PKM: variants seen among roughly 807,000 people sequenced by gnomAD.
PKM encodes pyruvate kinase PKM.
PKM carries 18 observed loss-of-function variants against 49.8 expected under a neutral mutation model. That is an observed-to-expected ratio of 0.36 (90% confidence interval 0.25 to 0.54). The LOEUF (loss-of-function observed/expected upper bound fraction) is 0.54, where lower values mean the gene tolerates loss of function less well. Ranked by LOEUF, PKM falls within the 20% of genes least tolerant of loss-of-function variation. The pLI is 0.89. For missense variants in PKM, 508 were observed against 713.8 expected, an observed-to-expected ratio of 0.71 and a Z score of 3.28; for synonymous variants, 239 against 261.8, an observed-to-expected ratio of 0.91 and a Z score of 0.84.
rs557675354 is a variant in PKM at position 72,202,661 on chromosome 15, A to G, written c.1141-41T>C. ...CCGTCCAGAGGGACGAGAGGGGGAC[A>G]GAGCTTTGTCAGAGCTTTGTCACAA... On this transcript the variant is annotated intron_variant, in intron 8 of 10. Coordinates refer to ENST00000335181, the MANE Select transcript of PKM (RefSeq NM_002654.6). The surrounding 1 kb of genome is among the most constrained non-coding windows in gnomAD (Gnocchi z 4.5). 1.3e-6 allele frequency: 2 copies of G among 1,567,986 alleles called. No homozygotes were observed. Among genetic ancestry groups the G allele is most frequent in the East Asian group, 2.3e-5 (1 of 43,902 alleles).
Position 72,200,891 on chromosome 15 carries a change from T to C in PKM, c.1308-236A>G. On this transcript the variant is annotated intron_variant, in intron 9 of 10. Coordinates refer to ENST00000335181, the MANE Select transcript of PKM (RefSeq NM_002654.6). This position sits in a 1 kb window ranked among gnomAD's most constrained non-coding sequence, Gnocchi z 4.6. ...CATTCCACAGGCCAAGGGCTCAGGA[T>C]CACCTTGACCCAGCAAGATCAGCCT... The C allele has an allele frequency of 2.0e-6, 1 of 512,556 alleles. No homozygotes were observed. The highest frequency in any genetic ancestry group is 3.5e-6 in the Non-Finnish European group (1 of 284,862). 31.8% of individuals were successfully genotyped at this position (512,556 alleles called of 1,614,324 possible). A position where few individuals can be genotyped will look rare whatever the true frequency, so the allele number is the denominator to read the frequency against.
At chr15:72,215,375 G>T (rs982959780) in intron 3 of PKM, among the ~76,000 whole-genome samples, 1 of 152,158 alleles carries the variant, frequency 6.6e-6, no homozygotes, top group Non-Finnish European at 1.5e-5. Context: ...TAGCCCTGAC[G>T]TATGGTAAGG....
chr15:72,204,680 A>G (rs1353433090), intron 8 of PKM: 1 of 152,230 alleles, frequency 6.6e-6, no homozygotes, highest in Admixed American at 6.5e-5. Context: ...AGCAATGAAT[A>G]TTTAATGCTA....
upstream of PKM, chr15:72,231,330 G>A (rs1271848058): frequency 6.5e-6 from 1 of 154,948 alleles, no homozygotes; most frequent in East Asian, 1.9e-4. Context: ...TCACCTTCAG[G>A]AGGAAGCGCG....
chr15:72,226,878 G>A (rs1040582322), intron 1 of PKM, among the ~76,000 whole-genome samples: 1 of 152,212 alleles, frequency 6.6e-6, no homozygotes, highest in Non-Finnish European at 1.5e-5. Flanking sequence ...TCCCTCCTAC[G>A]TGCAGACAAG....
intron 5 of PKM, chr15:72,209,366 C>G (rs2082171018): frequency 6.9e-6 from 1 of 145,820 alleles, no homozygotes; most frequent in African/African-American, 2.8e-5. Context: ...GAGACTCTGT[C>G]TTGAAAACAA....
Position 72,200,480 on chromosome 15 carries a change from T to C in PKM, c.1483A>G (p.Asn495Asp), listed in dbSNP as rs2081915333. The change falls in exon 10 of 11, where the codon AAT becomes GAT. Residue 495 changes from asparagine (N) to aspartate (D), a missense_variant. Coordinates refer to ENST00000335181, the MANE Select transcript of PKM (RefSeq NM_002654.6). The surrounding 1 kb of genome is among the most constrained non-coding windows in gnomAD (Gnocchi z 4.6). ...DVDLRVNFAM[N>D]VGKARGFFKK... ...CCCTGCTCCAGCCACGTACCAACAT[T>C]CATGGCAAAGTTCACCCGGAGGTCC... The C allele has an allele frequency of 6.2e-7, 1 of 1,613,098 alleles. No individual in the cohort carries two copies. Among genetic ancestry groups the C allele is most frequent in the East Asian group, 2.2e-5 (1 of 44,852 alleles).
intron 3 of PKM, among the ~76,000 whole-genome samples, chr15:72,215,430 A>G (rs1299685729): frequency 6.6e-6 from 1 of 152,212 alleles, no homozygotes; most frequent in Non-Finnish European, 1.5e-5. Flanking sequence ...ATAATTTCAG[A>G]TCAGTTTCCA....
chr15:72,206,989 T>A, intron 7 of PKM, 109 bp from the exon 8 acceptor site: 31 of 1,481,586 alleles, frequency 2.1e-5, no homozygotes, highest in Non-Finnish European at 2.9e-5. Context: ...TATGGCTTTG[T>A]GTAGGTACAT....
intron 3 of PKM, 83 bp downstream of exon 3, chr15:72,217,325 TC>T: frequency 1.2e-6 from 1 of 827,044 alleles, no homozygotes; most frequent in Non-Finnish European, 2.1e-6. Context: ...CCTTGTCTAG[TC>T]CACTGTGGCT....
chr15:72,228,777 C>G, intron 1 of PKM: 1 of 405,624 alleles, frequency 2.5e-6, no homozygotes, highest in Non-Finnish European at 4.6e-6. Flanking sequence ...GTCCTGACCT[C>G]CATCTCCTCT....
intron 3 of PKM, among the ~76,000 whole-genome samples, chr15:72,211,808 C>T (rs953702001): frequency 7.4e-6 from 1 of 135,034 alleles, no homozygotes; most frequent in Admixed American, 7.5e-5. Flanking sequence ...CACCCTATCT[C>T]AAGAAAAAAA....
Position 72,208,865 on chromosome 15 carries a change from C to T in PKM, c.592G>A (p.Glu198Lys). ...KGADFLVTEV[E>K]NGGSLGSKKG... ...TTGCTGCCCAAGGAGCCACCATTTTCCACCTCCGTCACCAGGAAGTCGGCA... is the reference window on the plus strand; with the variant it reads ...TTGCTGCCCAAGGAGCCACCATTTTTCACCTCCGTCACCAGGAAGTCGGCA... Residue 198 changes from glutamate (E) to lysine (K), a missense_variant, in exon 6 of 11, where the codon GAA (glutamate) becomes AAA (lysine). By Grantham distance (56) the Glu-to-Lys change is moderately conservative (BLOSUM62 1). Coordinates refer to ENST00000335181, the MANE Select transcript of PKM (RefSeq NM_002654.6). 1 of 1,614,072 alleles carries T rather than the reference C, an allele frequency of 6.2e-7. No homozygotes were observed. The highest frequency in any genetic ancestry group is 8.5e-7 in the Non-Finnish European group (1 of 1,180,000).
At chr15:72,223,031 T>C (rs2082567673) in intron 1 of PKM, among the ~76,000 whole-genome samples, 1 of 151,366 alleles carries the variant, frequency 6.6e-6, no homozygotes, top group Non-Finnish European at 1.5e-5. Context: ...TTCTTTTTTT[T>C]TTTTTTCAGA....
rs2081978938 is a variant in PKM, at chr15:72,202,868, G to C, written c.1141-248C>G. ...TGCCTACTGAGCCACAGGACCCTTTGGTCCTGCCCTGCCATGACCTCCCTG... is the reference window on the plus strand; with the variant it reads ...TGCCTACTGAGCCACAGGACCCTTTCGTCCTGCCCTGCCATGACCTCCCTG... On this transcript the variant is annotated intron_variant, in intron 8 of 10. Transcript: ENST00000335181. The surrounding 1 kb of genome is among the most constrained non-coding windows in gnomAD (Gnocchi z 4.5). 1 of 825,018 alleles carries C rather than the reference G, an allele frequency of 1.2e-6. No homozygotes were observed. The highest frequency in any genetic ancestry group is 2.0e-6 in the Non-Finnish European group (1 of 492,960). 51.1% of individuals were successfully genotyped at this position (825,018 alleles called of 1,614,324 possible).
At chr15:72,209,507 G>A in intron 5 of PKM, 166 bp downstream of exon 5, 4 of 610,668 alleles carry the variant, frequency 6.6e-6, no homozygotes, top group South Asian at 6.4e-5. Flanking sequence ...TAACTATGCT[G>A]GATTAAAGCC....
At chr15:72,221,019 T>C in intron 1 of PKM, 1 of 658,186 alleles carries the variant, frequency 1.5e-6, no homozygotes, top group Non-Finnish European at 2.8e-6. Flanking sequence ...ATCTAGGGAC[T>C]GTATTGTGAA....
Position 72,200,364 on chromosome 15 carries a change from A to T in PKM, c.1489+110T>A. 1 of 952,112 alleles carries T rather than the reference A, an allele frequency of 1.1e-6. No homozygotes were observed. The highest frequency in any genetic ancestry group is 1.7e-6 in the Non-Finnish European group (1 of 599,820). The allele number at this position is 952,112 out of a possible 1,614,324, so 59.0% of individuals were successfully genotyped here. ...AGTCGCTGGGCCTTTTGCCCCACTA[A>T]GGTCTGTGTGTTCCCCTTTCTATTC... On this transcript the variant is annotated intron_variant, in intron 10 of 10. Transcript: ENST00000335181. This position sits in a 1 kb window ranked among gnomAD's most constrained non-coding sequence, Gnocchi z 4.6.
intron 1 of PKM, chr15:72,221,111 A>G (rs1188822766): frequency 1.0e-6 from 1 of 954,632 alleles, no homozygotes; most frequent in Non-Finnish European, 1.6e-6. Context: ...CTTAGACCTG[A>G]GATATGAGGG....
Sources: allele counts gnomAD v4.1 joint callset (sites outside exome capture counted in the v4.1 genomes callset), GRCh38; gene constraint gnomAD v4.1.1; non-coding constraint Gnocchi (gnomAD v3.1); transcripts MANE v1.5; gene names NCBI Gene and HGNC (gene_info 2026-07-23, HGNC 2026-07-21).